PKIA: variants seen among roughly 807,000 people sequenced by gnomAD.
PKIA encodes the protein PKI-alpha.
Under a neutral mutation model 7.6 loss-of-function variants are expected in PKIA, and 4 were observed. The ratio of observed to expected loss-of-function variants is 0.52; its 90% CI spans 0.26 to 1.20. The LOEUF (loss-of-function observed/expected upper bound fraction) is 1.20, where lower values mean the gene tolerates loss of function less well. PKIA is among the 50% of genes most tolerant of loss of function. The pLI, the probability that PKIA is intolerant of heterozygous loss-of-function variation, is 0.13. For missense variants in PKIA, 73 were observed against 86.2 expected, an observed-to-expected ratio of 0.85 and a Z score of 0.61; for synonymous variants, 21 against 30.7, an observed-to-expected ratio of 0.68 and a Z score of 1.04.
At chr8:78,517,160 G>T (rs1809332022) in intron 1 of PKIA, among the ~76,000 whole-genome samples, 1 of 152,162 alleles carries the variant, frequency 6.6e-6, no homozygotes, top group South Asian at 2.1e-4. Context: ...TTCCATGACT[G>T]ATTTTGTCAA....
At chr8:78,556,503 C>G (rs903875778) in intron 1 of PKIA, 1 of 151,928 alleles carries the variant, frequency 6.6e-6, no homozygotes, top group Non-Finnish European at 1.5e-5. Flanking sequence ...ACTTACTGAT[C>G]CTAAGCAAGT....
intron 2 of PKIA, among the ~76,000 whole-genome samples, chr8:78,588,637 G>A (rs1185541546): frequency 6.6e-6 from 1 of 152,136 alleles, no homozygotes; most frequent in Non-Finnish European, 1.5e-5. Context: ...TTAGTGTACA[G>A]ATTATTTGGT....
intron 1 of PKIA, among the ~76,000 whole-genome samples, chr8:78,522,565 C>A (rs1809436551): frequency 1.3e-5 from 2 of 151,820 alleles, no homozygotes; most frequent in African/African-American, 4.8e-5. Flanking sequence ...TGAACATGAT[C>A]CGAGCAAAGA....
chr8:78,595,573 C>T (rs2130270794), intron 2 of PKIA, among the ~76,000 whole-genome samples: 1 of 152,230 alleles, frequency 6.6e-6, no homozygotes, highest in Admixed American at 6.5e-5. Flanking sequence ...TTTTGATCCT[C>T]ACCCTCCTCC....
Position 78,601,955 on chromosome 8 carries a change from C to A in PKIA, c.*134C>A. The A allele has an allele frequency of 1.5e-6, 1 of 677,702 alleles. No individual in the cohort carries two copies. The highest frequency in any genetic ancestry group is 2.5e-6 in the Non-Finnish European group (1 of 398,552). 42.0% of individuals were successfully genotyped at this position (677,702 alleles called of 1,614,324 possible). On this transcript the variant is annotated 3_prime_UTR_variant, in exon 4 of 4. Transcript: ENST00000396418. ...TGCATTGCAGGAACCTGCTCATTAT[C>A]ATGTTAAAAATGAGGGCAGAGGCTG...
At chr8:78,574,727 T>C (rs1420362082) in intron 2 of PKIA, among the ~76,000 whole-genome samples, 1 of 152,046 alleles carries the variant, frequency 6.6e-6, no homozygotes, top group Non-Finnish European at 1.5e-5. Flanking sequence ...AATTCTGAAT[T>C]GCTAGATGGA....
At chr8:78,550,055 T>C (rs1235471826) in intron 1 of PKIA, among the ~76,000 whole-genome samples, 6 of 152,060 alleles carry the variant, frequency 3.9e-5, no homozygotes, top group Non-Finnish European at 8.8e-5. Context: ...CTGAATGCAT[T>C]CTATTAAAGA....
chr8:78,574,236 A>G (rs1013467768), intron 2 of PKIA, among the ~76,000 whole-genome samples: 3 of 152,018 alleles, frequency 2.0e-5, no homozygotes, highest in Non-Finnish European at 2.9e-5. Flanking sequence ...TATATCCATC[A>G]TTTTAAGCAT....
chr8:78,518,049 A>C (rs569752309), intron 1 of PKIA, among the ~76,000 whole-genome samples: 1 of 152,248 alleles, frequency 6.6e-6, no homozygotes, highest in Non-Finnish European at 1.5e-5. Context: ...TTAAGCAAAG[A>C]CACTAGTATG....
At chr8:78,540,678 T>C (rs943742081) in intron 1 of PKIA, among the ~76,000 whole-genome samples, 4 of 152,052 alleles carry the variant, frequency 2.6e-5, no homozygotes, top group African/African-American at 7.2e-5. Context: ...CTTCTTTCAG[T>C]TGTTACTTTC....
chr8:78,555,785 A>T (rs1357889508), intron 1 of PKIA, among the ~76,000 whole-genome samples: 1 of 152,054 alleles, frequency 6.6e-6, no homozygotes, highest in Non-Finnish European at 1.5e-5. Context: ...AGAAAAAGAC[A>T]TTTAAAACTG....
At chr8:78,580,070 C>T (rs1274285101) in intron 2 of PKIA, among the ~76,000 whole-genome samples, 1 of 151,990 alleles carries the variant, frequency 6.6e-6, no homozygotes, top group East Asian at 1.9e-4. Flanking sequence ...GCACTCTTGG[C>T]ATGGAGACTT....
intron 1 of PKIA, among the ~76,000 whole-genome samples, chr8:78,561,597 C>G (rs1442116001): frequency 8.6e-5 from 13 of 152,026 alleles, no homozygotes; most frequent in Non-Finnish European, 1.9e-4. Context: ...TCAGTTGTAC[C>G]CACGTATGTA....
At chr8:78,572,764 CTT>C (rs1807583493) in intron 1 of PKIA, 45 bp from the exon 2 acceptor site, 1 of 151,816 alleles carries the variant, frequency 6.6e-6, no homozygotes, top group Non-Finnish European at 1.5e-5. Flanking sequence ...AAAAATGAAA[CTT>C]ATATGTACAG....
At chr8:78,580,106 G>T (rs888941963) in intron 2 of PKIA, among the ~76,000 whole-genome samples, 3 of 151,926 alleles carry the variant, frequency 2.0e-5, no homozygotes, top group Admixed American at 2.0e-4. Flanking sequence ...GAAATGAACT[G>T]TTAATCATTG....
At chr8:78,542,780 G>A (rs571275409) in intron 1 of PKIA, among the ~76,000 whole-genome samples, 2 of 151,960 alleles carry the variant, frequency 1.3e-5, no homozygotes, top group Non-Finnish European at 2.9e-5. Context: ...ACTCTCTTTT[G>A]TATTCCCAGT....
chr8:78,547,277 G>GT (rs1330019875), intron 1 of PKIA, among the ~76,000 whole-genome samples: 3 of 151,740 alleles, frequency 2.0e-5, no homozygotes, highest in Non-Finnish European at 4.4e-5. Context: ...GCTAATTTTT[G>GT]TTTTTTTATT....
chr8:78,546,342 G>A (rs888421620), intron 1 of PKIA, among the ~76,000 whole-genome samples: 7 of 151,208 alleles, frequency 4.6e-5, no homozygotes, highest in East Asian at 1.9e-4. Context: ...AGAGACAGAC[G>A]GTCAGTAATT....
At chr8:78,571,598 C>G (rs1807549040) in intron 1 of PKIA, among the ~76,000 whole-genome samples, 1 of 152,152 alleles carries the variant, frequency 6.6e-6, no homozygotes, top group African/African-American at 2.4e-5. Context: ...CAGGACTCCT[C>G]TAAGGGACTT....
Sources: allele counts gnomAD v4.1 joint callset (sites outside exome capture counted in the v4.1 genomes callset), GRCh38; gene constraint gnomAD v4.1.1; transcripts MANE v1.5; gene names NCBI Gene and HGNC (gene_info 2026-07-23, HGNC 2026-07-21).